The following SHISA9 variants were observed in gnomAD, a reference collection of about 807,000 sequenced individuals.
The protein encoded by SHISA9 is protein shisa-9.
Under a neutral mutation model 38.0 loss-of-function variants are expected in SHISA9, and 13 were observed. The ratio of observed to expected loss-of-function variants is 0.34; its 90% CI spans 0.22 to 0.54. SHISA9 has a LOEUF of 0.54. SHISA9 is among the 20% of genes least tolerant of loss of function. The probability of loss-of-function intolerance (pLI) is 0.91; values close to 1 mark genes in which losing one functional copy is unlikely to be tolerated. For synonymous variants in SHISA9, 275 were observed against 242.0 expected (o/e 1.14, Z -1.27); for missense variants, 538 against 575.8 (o/e 0.93, Z 0.67).
At chr16:13,186,603 C>G (rs963323250) in intron 2 of SHISA9, among the ~76,000 whole-genome samples, 13 of 152,058 alleles carry the variant, frequency 8.5e-5, no homozygotes, top group African/African-American at 3.1e-4. Flanking sequence ...AGCCATCCAT[C>G]TTAACCATTT....
At chr16:13,271,091 T>C in the SHISA9 span, among the ~76,000 whole-genome samples, 1 of 152,172 alleles carries the variant, frequency 6.6e-6, no homozygotes, top group South Asian at 2.1e-4. Context: ...TGGGGTTCAG[T>C]GGGTAGCAGG....
chr16:13,276,236 C>T, the SHISA9 span, among the ~76,000 whole-genome samples: 1 of 141,232 alleles, frequency 7.1e-6, no homozygotes, highest in Admixed American at 6.8e-5. Flanking sequence ...ACTGCAAATG[C>T]TGTTAATTTA....
intron 2 of SHISA9, among the ~76,000 whole-genome samples, chr16:12,953,083 T>TTTC (rs1567350925): frequency 1.3e-5 from 2 of 151,410 alleles, no homozygotes; most frequent in African/African-American, 2.4e-5. Flanking sequence ...GACAAAGGAA[T>TTTC]AGAAGGTGAT....
chr16:13,108,662 T>C (rs1408734931), intron 2 of SHISA9, among the ~76,000 whole-genome samples: 2 of 152,194 alleles, frequency 1.3e-5, no homozygotes, highest in Non-Finnish European at 2.9e-5. Context: ...CATGTAATAC[T>C]AGAGGGAAAA....
the SHISA9 span, among the ~76,000 whole-genome samples, chr16:13,301,553 C>T: frequency 6.6e-6 from 1 of 152,132 alleles, no homozygotes; most frequent in Admixed American, 6.5e-5. Context: ...TCTAATAGTT[C>T]TGTGTTAATT....
chr16:13,196,213 C>T (rs1256720429), intron 2 of SHISA9, among the ~76,000 whole-genome samples: 11 of 147,300 alleles, frequency 7.5e-5, no homozygotes, highest in African/African-American at 1.0e-4. Context: ...CTGGCTAAGA[C>T]GGTGAAACCC....
chr16:13,028,797 A>G (rs952892352), intron 2 of SHISA9, among the ~76,000 whole-genome samples: 9 of 152,236 alleles, frequency 5.9e-5, no homozygotes, highest in African/African-American at 1.9e-4. Flanking sequence ...TCATATGACC[A>G]TCCTTGAATC....
In SHISA9 at chr16:12,981,170, C is replaced by G. The variant is rs146223993; in HGVS notation, c.691+64355C>G. On this transcript the variant is annotated intron_variant, in intron 2 of 4. Coordinates refer to ENST00000558583, the MANE Select transcript of SHISA9 (RefSeq NM_001145204.3). ...ATGTGGATGCGCAAAGGCCAGAGCCCCAAGTCAGCCCCAGTGAGTTCAGGG... is the reference window on the plus strand; with the variant it reads ...ATGTGGATGCGCAAAGGCCAGAGCCGCAAGTCAGCCCCAGTGAGTTCAGGG... 8.2e-4 allele frequency among the ~76,000 whole-genome samples: 125 copies of G among 152,330 alleles called. 1 individual carries two copies. The highest frequency in any genetic ancestry group is 1.5e-3 in the Non-Finnish European group (105 of 68,012).
chr16:12,939,064 C>G (rs2071573948), intron 2 of SHISA9, among the ~76,000 whole-genome samples: 1 of 151,942 alleles, frequency 6.6e-6, no homozygotes, highest in Non-Finnish European at 1.5e-5. Context: ...CTCTCCCCTC[C>G]TCTCCTTTCC....
chr16:13,506,311 A>C, the SHISA9 span, among the ~76,000 whole-genome samples: 3 of 152,190 alleles, frequency 2.0e-5, no homozygotes, highest in Non-Finnish European at 4.4e-5. Context: ...AACAACAAAA[A>C]GACAACGACT....
chr16:13,062,432 G>A (rs1278001896), intron 2 of SHISA9, among the ~76,000 whole-genome samples: 6 of 152,190 alleles, frequency 3.9e-5, no homozygotes, highest in African/African-American at 1.2e-4. Flanking sequence ...GTGACCTAGA[G>A]CAGATTGCTT....
intron 2 of SHISA9, among the ~76,000 whole-genome samples, chr16:12,984,265 G>T (rs1596564795): frequency 6.6e-6 from 1 of 152,022 alleles, no homozygotes; most frequent in African/African-American, 2.4e-5. Context: ...GAAATGAAAG[G>T]TACATTCAGT....
At chr16:13,398,796 G>A in the SHISA9 span, among the ~76,000 whole-genome samples, 2 of 152,060 alleles carry the variant, frequency 1.3e-5, no homozygotes, top group Non-Finnish European at 2.9e-5. Flanking sequence ...ACAGGTGTAA[G>A]CCACCACTCC....
chr16:13,078,493 C>T (rs1481194602), intron 2 of SHISA9, among the ~76,000 whole-genome samples: 1 of 151,964 alleles, frequency 6.6e-6, no homozygotes, highest in Non-Finnish European at 1.5e-5. Flanking sequence ...GCAACCTCTG[C>T]CCCTGGGGTT....
At chr16:13,261,035 C>T in the SHISA9 span, among the ~76,000 whole-genome samples, 1 of 152,076 alleles carries the variant, frequency 6.6e-6, no homozygotes, top group African/African-American at 2.4e-5. Context: ...TTCACTATCA[C>T]AAGAATAGCA....
At chr16:13,454,374 A>G in the SHISA9 span, among the ~76,000 whole-genome samples, 1 of 152,266 alleles carries the variant, frequency 6.6e-6, no homozygotes, top group East Asian at 1.9e-4. Context: ...GTTTGCCTTC[A>G]CTGACACCTC....
intron 2 of SHISA9, among the ~76,000 whole-genome samples, chr16:12,973,288 T>C (rs1475066635): frequency 2.6e-5 from 4 of 152,240 alleles, no homozygotes; most frequent in African/African-American, 9.6e-5. Flanking sequence ...ACAGGTTTCC[T>C]GGAATGATAT....
chr16:13,539,342 TAAAG>T, the SHISA9 span, among the ~76,000 whole-genome samples: 1,382 of 36,662 alleles, frequency 0.038, 142 homozygotes, highest in East Asian at 0.38. Flanking sequence ...TATATATATA[TAAAG>T]ATATATATAT....
At chr16:13,077,790 A>G (rs1379620132) in intron 2 of SHISA9, among the ~76,000 whole-genome samples, 1 of 152,142 alleles carries the variant, frequency 6.6e-6, no homozygotes, top group East Asian at 1.9e-4. Context: ...TTGGAGTGCA[A>G]CAGCTGCCAC....
Sources: allele counts gnomAD v4.1 joint callset (sites outside exome capture counted in the v4.1 genomes callset), GRCh38; gene constraint gnomAD v4.1.1; transcripts MANE v1.5; gene names NCBI Gene and HGNC (gene_info 2026-07-23, HGNC 2026-07-21).